The following EPPK1 variants were observed in gnomAD, a reference collection of about 807,000 sequenced individuals.
The protein encoded by EPPK1 is epiplakin.
For missense variants in EPPK1, 3,823 were observed against 3,673.3 expected (o/e 1.04, Z -1.05); for synonymous variants, 1,862 against 1,721.2 (o/e 1.08, Z -2.03).
In EPPK1 at chr8:143,868,792, C is replaced by T; in HGVS notation, c.4462G>A (p.Ala1488Thr). 1 of 1,600,906 alleles carries T rather than the reference C, an allele frequency of 6.2e-7. No individual in the cohort carries two copies. Among genetic ancestry groups the T allele is most frequent in the Non-Finnish European group, 8.5e-7 (1 of 1,178,318 alleles). ...GCAGCCCTCCCAGACCGACAGAGTG[C>T]CACCAGCTCCCGCCGCTTGTCAGCG... ...VGADKRRELV[A>T]LCRSGRAAAL... The change falls in exon 2 of 2, where the codon GCA becomes ACA. Residue 1488 changes from alanine to threonine, a missense_variant. Coordinates refer to ENST00000615648, the MANE Select transcript of EPPK1 (RefSeq NM_031308.4).
In EPPK1 at chr8:143,857,896, CAAAAA is replaced by C. The variant is rs35186960; in HGVS notation, c.*86_*90del. The C allele has an allele frequency of 3.4e-4, 147 of 436,538 alleles. No individual in the cohort carries two copies. The highest frequency in any genetic ancestry group is 6.0e-4 in the Admixed American group (9 of 14,914). The allele number at this position is 436,538 out of a possible 1,614,324, so 27.0% of individuals were successfully genotyped here. On this transcript the variant is annotated 3_prime_UTR_variant, in exon 2 of 2. Coordinates refer to ENST00000615648, the MANE Select transcript of EPPK1 (RefSeq NM_031308.4). The stretch of plus-strand genomic sequence containing the variant: ...GTAAAACAACAAAATTAAAGAATGA[CAAAAA>C]AAAAAAAAAAAAAAAAAACAACCCA...
rs1819376786 is a variant in EPPK1 at position 143,872,195 on chromosome 8, A to G, written c.1059T>C (p.His353=). Reference sequence around the variant, plus strand: ...CCTGCTCGGCCACCAGGAGCTGCTCATGGAGCTCTGGGCTGACCAGGCCCG... The same window carrying G: ...CCTGCTCGGCCACCAGGAGCTGCTCGTGGAGCTCTGGGCTGACCAGGCCCG... ...VRAGLVSPEL[H]EQLLVAEQAV... is the part of the protein sequence containing the mutation. Residue 353 remains histidine, a synonymous_variant, in exon 2 of 2, where the codon CAT becomes CAC. Coordinates refer to ENST00000615648, the MANE Select transcript of EPPK1 (RefSeq NM_031308.4). 3 of 1,601,900 alleles carry G rather than the reference A, an allele frequency of 1.9e-6. No individual in the cohort carries two copies. Among genetic ancestry groups the G allele is most frequent in the Non-Finnish European group, 2.6e-6 (3 of 1,174,624 alleles).
Position 143,859,921 on chromosome 8 carries a change from AGC to A in EPPK1, c.13331_13332del (p.Gly4444ValfsTer330). ...TGCTGCCCGGTGTAGGGGTCGGTGT[AGC>A]CGGTGACGGCGCGCTCGGCCGACAG... ...KLLSAERAVT[G>X]YTDPYTGQQI... On this transcript the variant is annotated frameshift_variant, in exon 2 of 2. Coordinates refer to ENST00000615648, the MANE Select transcript of EPPK1 (RefSeq NM_031308.4). LOFTEE classifies it low-confidence loss of function (END_TRUNC). 1 of 484,710 alleles carries A rather than the reference AGC, an allele frequency of 2.1e-6. No individual in the cohort carries two copies. Among genetic ancestry groups the A allele is most frequent in the Non-Finnish European group, 3.1e-6 (1 of 318,430 alleles). 30.0% of individuals were successfully genotyped at this position (484,710 alleles called of 1,614,324 possible).
In EPPK1 at chr8:143,869,689, G is replaced by A. The variant is rs1554660466; in HGVS notation, c.3565C>T (p.Leu1189=). The change falls in exon 2 of 2, where the codon CTG becomes TTG. Residue 1189 remains leucine (L), a synonymous_variant. Transcript: ENST00000615648. ...GGCACCATGACGCGGGCCTGGGCCA[G>A]GAGCTTGGTCTCCTGTACCCACCTC... ...VQRWVQETKL[L]AQARVMVPGP... 2 of 1,596,176 alleles carry A rather than the reference G, an allele frequency of 1.3e-6. No homozygotes were observed. The highest frequency in any genetic ancestry group is 3.5e-5 in the Admixed American group (2 of 57,484).
Position 143,867,483 on chromosome 8 carries a change from G to C in EPPK1, c.5771C>G (p.Ala1924Gly), listed in dbSNP as rs781837101. 4 of 1,612,688 alleles carry C rather than the reference G, an allele frequency of 2.5e-6. No individual in the cohort carries two copies. The highest frequency in any genetic ancestry group is 1.1e-5 in the South Asian group (1 of 91,078). ...HEASRKELIP[A>G]AFATWLLEAQ... ...CTCCAGCAGCCAAGTCGCAAATGCT[G>C]CAGGGATGAGCTCCTTCCTGCTGGC... The change falls in exon 2 of 2, where the codon GCA (alanine) becomes GGA (glycine). Residue 1924 changes from alanine to glycine, a missense_variant. Coordinates refer to ENST00000615648, the MANE Select transcript of EPPK1 (RefSeq NM_031308.4).
Position 143,866,649 on chromosome 8 carries a change from G to A in EPPK1, c.6605C>T (p.Thr2202Met), listed in dbSNP as rs559664622. Reference protein sequence around the residue: ...ITEEMLQDLETGRSTTQELME... With the variant: ...ITEEMLQDLEMGRSTTQELME... ...GAGCTCTTGCGTCGTGCTCCGTCCC[G>A]TTTCCAGGTCCTGGAGCATTTCCTC... is the stretch of plus-strand genomic sequence containing the variant. Residue 2202 changes from threonine to methionine, a missense_variant, in exon 2 of 2, where the codon ACG (threonine) becomes ATG (methionine). Transcript: ENST00000615648. 20 of 1,612,872 alleles carry A rather than the reference G, an allele frequency of 1.2e-5. No homozygotes were observed. Among genetic ancestry groups the A allele is most frequent in the Admixed American group, 8.3e-5 (5 of 60,004 alleles).
At chr8:143,878,469 CCG>C (rs1448961729), upstream of EPPK1, 3 of 140,620 alleles carry the variant, frequency 2.1e-5, no homozygotes, top group Non-Finnish European at 4.7e-5. Context: ...CGCAGTGTCT[CCG>C]CGCGCCCGCT....
chr8:143,867,624 C>T lies in EPPK1; in HGVS notation c.5630G>A (p.Arg1877Lys), dbSNP rs782779716. 1 of 1,613,212 alleles carries T rather than the reference C, an allele frequency of 6.2e-7. No individual in the cohort carries two copies. Among genetic ancestry groups the T allele is most frequent in the African/African-American group, 1.3e-5 (1 of 74,930 alleles). Residue 1877 changes from arginine to lysine, a missense_variant, in exon 2 of 2, where the codon AGG (arginine) becomes AAG (lysine). Transcript: ENST00000615648. ...CGTGCTGAGTGCCTGTCCCCCAGTC[C>T]TCCCCACACGAAGTGTGTGCAGGGT... ...QKTLHTLRVG[R>K]TGGQALSTLE...
chr8:143,878,623 G>T (rs1455422914), upstream of EPPK1, among the ~76,000 whole-genome samples: 1 of 151,800 alleles, frequency 6.6e-6, no homozygotes, highest in Non-Finnish European at 1.5e-5. Context: ...CCGGGCAAGG[G>T]GCGGCGGCTG....
intron 1 of EPPK1, among the ~76,000 whole-genome samples, chr8:143,874,389 C>T (rs1819440471): frequency 6.6e-6 from 1 of 152,248 alleles, no homozygotes; most frequent in Non-Finnish European, 1.5e-5. Flanking sequence ...GCAGATATCA[C>T]CCAGTTAAGG....
rs116388180 is a variant in EPPK1, at chr8:143,866,752, T to C, written c.6502A>G (p.Ser2168Gly). 2.8e-3 allele frequency: 4,493 copies of C among 1,613,542 alleles called. 117 individuals carry two copies. In the African/African-American group the frequency reaches 0.054, roughly 19 times the overall value. Residue 2168 changes from serine (S) to glycine (G), a missense_variant, in exon 2 of 2, where the codon AGC (serine) becomes GGC (glycine). Transcript: ENST00000615648. ...ILELIEKQET[S>G]NKHLWFQGIR... ...CCTTGGAACCACAGGTGTTTGTTGC[T>C]GGTTTCCTGCTTCTCGATCAACTCT...
rs1167881200 is a variant in EPPK1 at position 143,871,745 on chromosome 8, G to C, written c.1509C>G (p.Phe503Leu). 3 of 1,610,224 alleles carry C rather than the reference G, an allele frequency of 1.9e-6. No individual in the cohort carries two copies. The highest frequency in any genetic ancestry group is 2.2e-5 in the East Asian group (1 of 44,856). ...TATATVSVGK[F>L]RGRPVSLWEL... Reference sequence around the variant, plus strand: ...CCCAGAGGGACACGGGCCGGCCCCGGAACTTCCCCACAGAGACGGTGGCTG... The same window carrying C: ...CCCAGAGGGACACGGGCCGGCCCCGCAACTTCCCCACAGAGACGGTGGCTG... Residue 503 changes from phenylalanine to leucine, a missense_variant, in exon 2 of 2, where the codon TTC becomes TTG. Phe to Leu is a conservative substitution (Grantham distance 22, BLOSUM62 0). Coordinates refer to ENST00000615648, the MANE Select transcript of EPPK1 (RefSeq NM_031308.4).
In EPPK1 at chr8:143,871,846, CT is replaced by C. The variant is rs1460954815; in HGVS notation, c.1407del (p.Gly471AspfsTer21). 1 of 1,612,230 alleles carries C rather than the reference CT, an allele frequency of 6.2e-7. No individual in the cohort carries two copies. The highest frequency in any genetic ancestry group is 1.3e-5 in the African/African-American group (1 of 74,948). On this transcript the variant is annotated frameshift_variant, in exon 2 of 2. Transcript: ENST00000615648. LOFTEE classifies it low-confidence loss of function (END_TRUNC). ...TGGGGCTCCCCTCCCCGGGGTCCCC[CT>C]GAGAGTGGCAGGAAGGCAAGCCCGG... ...PETGLAFLPL[S>X]GGPRGGEPQG... is the part of the protein sequence containing the mutation.
chr8:143,867,025 C>T lies in EPPK1; in HGVS notation c.6229G>A (p.Asp2077Asn), dbSNP rs782301705. 6.2e-7 allele frequency: 1 copy of T among 1,612,860 alleles called. No individual in the cohort carries two copies. Among genetic ancestry groups the T allele is most frequent in the African/African-American group, 1.3e-5 (1 of 75,042 alleles). ...ELQERCRPQE[D>N]TGWLLFPVNK... ...ACTGGGAACAGCAGCCAGCCCGTGT[C>T]CTCTTGTGGGCGGCACCTCTCCTGC... The change falls in exon 2 of 2, where the codon GAC (aspartate) becomes AAC (asparagine). Residue 2077 changes from aspartate to asparagine, a missense_variant. Physicochemically the swap from Asp to Asn is conservative, Grantham distance 23. Transcript: ENST00000615648.
In EPPK1 at chr8:143,869,851, C is replaced by G. The variant is rs370164663; in HGVS notation, c.3403G>C (p.Val1135Leu). The G allele has an allele frequency of 5.0e-6, 8 of 1,599,592 alleles. No individual in the cohort carries two copies. The highest frequency in any genetic ancestry group is 4.5e-5 in the South Asian group (4 of 88,682). The change falls in exon 2 of 2, where the codon GTG becomes CTG. Residue 1135 changes from valine to leucine, a missense_variant. Val to Leu is a conservative substitution (Grantham distance 32). Coordinates refer to ENST00000615648, the MANE Select transcript of EPPK1 (RefSeq NM_031308.4). ...EEQVQRSLQAVPGAKDGTSLW... is the reference protein window; with the variant it reads ...EEQVQRSLQALPGAKDGTSLW... ...GATGTGCCATCCTTGGCCCCCGGCACGGCCTGCAGGCTCCTCTGGACCTGC... is the reference window on the plus strand; with the variant it reads ...GATGTGCCATCCTTGGCCCCCGGCAGGGCCTGCAGGCTCCTCTGGACCTGC...
chr8:143,877,759 C>A (rs957818264), intron 1 of EPPK1, among the ~76,000 whole-genome samples: 1 of 152,140 alleles, frequency 6.6e-6, no homozygotes, highest in Non-Finnish European at 1.5e-5. Flanking sequence ...GCAACCTGCA[C>A]CATGATCAGA....
At position 143,868,055 on chromosome 8, in the gene EPPK1, C is replaced by T. The variant is rs559145256; in HGVS notation, c.5199G>A (p.Thr1733=). 31 of 1,613,630 alleles carry T rather than the reference C, an allele frequency of 1.9e-5. No homozygotes were observed. Among genetic ancestry groups the T allele is most frequent in the African/African-American group, 1.7e-4 (13 of 75,046 alleles). Residue 1733 remains threonine (T), a synonymous_variant, in exon 2 of 2, where the codon ACG becomes ACA. Coordinates refer to ENST00000615648, the MANE Select transcript of EPPK1 (RefSeq NM_031308.4). ...GCTGCAGGTACGTGAGGTTCTCGTG[C>T]GTGTTGGGGTCGAAGAAGCCCTTGG... ...DDTKGFFDPN[T]HENLTYLQLL... is the part of the protein sequence containing the mutation.
Position 143,867,203 on chromosome 8 carries a change from G to A in EPPK1, c.6051C>T (p.Ile2017=), listed in dbSNP as rs782510861. ...GGAGCCGGTGGTGGTGCTGTGGGTC[G>A]ATGACACCCCCCGTGGCCACCTGCA... The part of the protein sequence containing the change: ...LEVQVATGGV[I]DPQHHHRLPL... Residue 2017 remains isoleucine (I), a synonymous_variant, in exon 2 of 2, where the codon ATC becomes ATT. Transcript: ENST00000615648. 9.0e-5 allele frequency: 145 copies of A among 1,612,564 alleles called. No homozygotes were observed. Among genetic ancestry groups the A allele is most frequent in the African/African-American group, 3.5e-4 (26 of 74,876 alleles).
At position 143,873,138 on chromosome 8, in the gene EPPK1, T is replaced by TG; in HGVS notation, c.115dup (p.Gln39ProfsTer78). The TG allele has an allele frequency of 6.3e-7, 1 of 1,585,022 alleles. No individual in the cohort carries two copies. Among genetic ancestry groups the TG allele is most frequent in the Non-Finnish European group, 8.6e-7 (1 of 1,168,612 alleles). ...ATACACCCCAGCTATGCTCCTGGCC[T>TG]GGGGCCTGGGGGGCGTGCCGGCTCC... On this transcript the variant is annotated frameshift_variant, in exon 2 of 2. Coordinates refer to ENST00000615648, the MANE Select transcript of EPPK1 (RefSeq NM_031308.4). LOFTEE classifies it low-confidence loss of function (END_TRUNC).
Sources: allele counts gnomAD v4.1 joint callset (sites outside exome capture counted in the v4.1 genomes callset), GRCh38; gene constraint gnomAD v4.1.1; transcripts MANE v1.5; gene names NCBI Gene and HGNC (gene_info 2026-07-23, HGNC 2026-07-21).